The following TNR variants were observed in gnomAD, a reference collection of about 807,000 sequenced individuals.
TNR encodes tenascin R, also known as tenascin-R.
A neutral mutation model predicts 150.4 loss-of-function variants in TNR; 45 were observed. The ratio of observed to expected loss-of-function variants is 0.30; its 90% CI spans 0.24 to 0.38. TNR has a LOEUF of 0.38. Ranked by LOEUF, TNR falls within the 10% of genes least tolerant of loss-of-function variation. TNR has a pLI of 1.00. For missense variants in TNR, 1,544 were observed against 1,759.1 expected, an observed-to-expected ratio of 0.88 and a Z score of 2.19; for synonymous variants, 687 against 678.4, an observed-to-expected ratio of 1.01 and a Z score of -0.20.
Position 175,351,407 on chromosome 1 carries a change from T to C in TNR, c.3382+2984A>G, listed in dbSNP as rs565658520. On this transcript the variant is annotated intron_variant, in intron 18 of 22. Transcript: ENST00000367674. ...TCAGGGAAATTTGCATTGAGGTGGC[T>C]GACAGAGCCTGAAATTAGAGGGAAT... 8.5e-5 allele frequency among the ~76,000 whole-genome samples: 13 copies of C among 152,308 alleles called. No individual in the cohort carries two copies. The East Asian group carries it at 2.5e-3, about 29-fold the overall frequency.
At chr1:175,659,897 ATT>A (rs34472359) in intron 1 of TNR, among the ~76,000 whole-genome samples, 1,804 of 111,710 alleles carry the variant, frequency 0.016, 13 homozygotes, top group African/African-American at 0.024. Flanking sequence ...TTTGGGTGTC[ATT>A]TTTTTTTTTT....
intron 20 of TNR, among the ~76,000 whole-genome samples, chr1:175,331,033 C>CTTTCTTTCTTTCTTTCTTTCTTTCTTTCT (rs1649753228): frequency 2.8e-5 from 2 of 70,972 alleles, no homozygotes; most frequent in African/African-American, 9.3e-5. Flanking sequence ...TTCTTTCTTT[C>CTTTCTTTCTTTCTTTCTTTCTTTCTTTCT]TTTCTTTCTT....
intron 1 of TNR, among the ~76,000 whole-genome samples, chr1:175,582,851 G>A (rs1371333251): frequency 6.6e-6 from 1 of 152,076 alleles, no homozygotes; most frequent in Non-Finnish European, 1.5e-5. Context: ...ATGGATTAAT[G>A]CCACTATCAT....
chr1:175,406,183 C>A, intron 3 of TNR, 33 bp downstream of exon 3: 1 of 1,599,190 alleles, frequency 6.3e-7, no homozygotes, highest in Non-Finnish European at 8.5e-7. Flanking sequence ...TCCTTCCCCT[C>A]CTGAGACCAC....
At chr1:175,717,427 C>T (rs1471931714) in intron 1 of TNR, among the ~76,000 whole-genome samples, 3 of 152,098 alleles carry the variant, frequency 2.0e-5, no homozygotes, top group South Asian at 2.1e-4. Flanking sequence ...CTGTACCCCA[C>T]GAATCTAAAA....
At chr1:175,691,156 T>C (rs1322283999) in intron 1 of TNR, among the ~76,000 whole-genome samples, 1 of 83,576 alleles carries the variant, frequency 1.2e-5, no homozygotes, top group Non-Finnish European at 2.5e-5. Context: ...TCCAGTCCTA[T>C]CCACACCTTA....
chr1:175,669,497 A>T (rs1387103888), intron 1 of TNR, among the ~76,000 whole-genome samples: 2 of 152,258 alleles, frequency 1.3e-5, no homozygotes, highest in Non-Finnish European at 2.9e-5. Context: ...ACCAAGGTTC[A>T]GTGATAAAAC....
At chr1:175,697,671 T>C (rs2101924127) in intron 1 of TNR, among the ~76,000 whole-genome samples, 1 of 152,282 alleles carries the variant, frequency 6.6e-6, no homozygotes, top group Non-Finnish European at 1.5e-5. Flanking sequence ...ATGATCTAAT[T>C]AGTTCTGCAA....
chr1:175,539,334 G>A (rs1660409708), intron 1 of TNR, among the ~76,000 whole-genome samples: 1 of 152,252 alleles, frequency 6.6e-6, no homozygotes, highest in Admixed American at 6.5e-5. Flanking sequence ...CACAGCCCAT[G>A]AAGAAGACAC....
intron 1 of TNR, among the ~76,000 whole-genome samples, chr1:175,635,219 G>T (rs1477535398): frequency 6.6e-6 from 1 of 152,200 alleles, no homozygotes; most frequent in Admixed American, 6.5e-5. Context: ...AGCTTTCATT[G>T]CACCTGGGCA....
chr1:175,572,027 C>T (rs1008390850), intron 1 of TNR, among the ~76,000 whole-genome samples: 2 of 152,116 alleles, frequency 1.3e-5, no homozygotes, highest in Admixed American at 1.3e-4. Context: ...CTTCATGATG[C>T]CTGCAGTCTC....
chr1:175,525,501 A>T (rs1045342238), intron 2 of TNR, among the ~76,000 whole-genome samples: 2 of 152,204 alleles, frequency 1.3e-5, no homozygotes, highest in Admixed American at 1.3e-4. Context: ...TTTCTGATCA[A>T]AGCCATAGTT....
intron 1 of TNR, among the ~76,000 whole-genome samples, chr1:175,547,989 G>A (rs1483187168): frequency 1.3e-5 from 2 of 152,218 alleles, no homozygotes; most frequent in African/African-American, 2.4e-5. Context: ...GAAAGCTGAA[G>A]GTAGCTGCGT....
chr1:175,466,497 G>A (rs859372), intron 2 of TNR, among the ~76,000 whole-genome samples: 10,114 of 152,202 alleles, frequency 0.066, 731 homozygotes, highest in African/African-American at 0.18. Context: ...TCTGGGCTTG[G>A]AACAAGCACC....
chr1:175,616,015 T>C (rs1225898034), intron 1 of TNR, among the ~76,000 whole-genome samples: 1 of 152,208 alleles, frequency 6.6e-6, no homozygotes, highest in Admixed American at 6.5e-5. Flanking sequence ...AATAGCTACA[T>C]TAAGGTAATT....
chr1:175,477,938 T>C (rs1160440783), intron 2 of TNR, among the ~76,000 whole-genome samples: 3 of 152,164 alleles, frequency 2.0e-5, no homozygotes, highest in African/African-American at 7.2e-5. Flanking sequence ...GCAAAGTAAG[T>C]GCTTAATCTC....
intron 12 of TNR, among the ~76,000 whole-genome samples, chr1:175,364,387 T>G (rs1651741357): frequency 1.3e-5 from 2 of 151,998 alleles, no homozygotes; most frequent in Non-Finnish European, 2.9e-5. Flanking sequence ...TTTAATCTAC[T>G]TGTCCAGTTT....
At chr1:175,357,619 T>C (rs1651393698) in intron 15 of TNR, among the ~76,000 whole-genome samples, 1 of 152,204 alleles carries the variant, frequency 6.6e-6, no homozygotes, top group Non-Finnish European at 1.5e-5. Context: ...CACAGTCTGC[T>C]CTTTTTCTTG....
chr1:175,358,673 C>T (rs1651441552), intron 15 of TNR, among the ~76,000 whole-genome samples: 2 of 152,208 alleles, frequency 1.3e-5, no homozygotes, highest in African/African-American at 4.8e-5. Flanking sequence ...AGGGAAATAA[C>T]TTCCCTAAGC....
Sources: allele counts gnomAD v4.1 joint callset (sites outside exome capture counted in the v4.1 genomes callset), GRCh38; gene constraint gnomAD v4.1.1; transcripts MANE v1.5; gene names NCBI Gene and HGNC (gene_info 2026-07-23, HGNC 2026-07-21).